Variants in ULK2 observed in about 807,000 individuals in gnomAD.
The protein encoded by ULK2 is unc-51 like autophagy activating kinase 2, also known as serine/threonine-protein kinase ULK2.
ULK2 carries 76 observed loss-of-function variants against 127.5 expected under a neutral mutation model. The ratio of observed to expected loss-of-function variants is 0.60; its 90% CI spans 0.50 to 0.72. The LOEUF is 0.72. Ranked by LOEUF, ULK2 falls within the 30% of genes least tolerant of loss-of-function variation. ULK2 has a pLI of 0.00. For synonymous variants in ULK2, 452 were observed against 461.9 expected (o/e 0.98, Z 0.28); for missense variants, 1,144 against 1,295.9 (o/e 0.88, Z 1.80).
chr17:19,852,903 G>C (rs2042049348), intron 3 of ULK2, among the ~76,000 whole-genome samples: 1 of 151,916 alleles, frequency 6.6e-6, no homozygotes, highest in Non-Finnish European at 1.5e-5. Flanking sequence ...GCCCACCTCG[G>C]CCTCCCAAAG....
chr17:19,842,311 C>G (rs2041783287), intron 8 of ULK2, among the ~76,000 whole-genome samples: 1 of 150,530 alleles, frequency 6.6e-6, no homozygotes, highest in Admixed American at 6.7e-5. Context: ...GATTCTCCTG[C>G]CTCAGCCTCC....
In ULK2 at chr17:19,772,634, T is replaced by C. The variant is rs542327611; in HGVS notation, c.*3715A>G. The C allele has an allele frequency of 9.2e-5, 14 of 152,314 alleles. No homozygotes were observed. The highest frequency in any genetic ancestry group is 3.1e-4 in the African/African-American group (13 of 41,572). 9.4% of individuals were successfully genotyped at this position (152,314 alleles called of 1,614,324 possible). On this transcript the variant is annotated 3_prime_UTR_variant, in exon 27 of 27. Coordinates refer to ENST00000395544, the MANE Select transcript of ULK2 (RefSeq NM_014683.4). ...TGCTTATAGAAAATACGAGGGAGCA[T>C]AGTTTAAAAAGTGTGAAGTCCTCCT...
intron 13 of ULK2, among the ~76,000 whole-genome samples, chr17:19,815,962 T>C (rs1428662793): frequency 2.0e-5 from 3 of 152,242 alleles, no homozygotes; most frequent in South Asian, 2.1e-4. Flanking sequence ...GCCATGGCAC[T>C]GCTGCTGTGG....
chr17:19,855,818 A>G (rs937795433), intron 3 of ULK2: 1 of 152,294 alleles, frequency 6.6e-6, no homozygotes, highest in Non-Finnish European at 1.5e-5. Flanking sequence ...TGATACCAAC[A>G]TTCTTTCTTA....
intron 3 of ULK2, among the ~76,000 whole-genome samples, chr17:19,850,524 G>A (rs917152240): frequency 1.3e-5 from 2 of 152,106 alleles, no homozygotes; most frequent in Non-Finnish European, 2.9e-5. Flanking sequence ...GTGTGCAAAT[G>A]TAATTCAAAA....
intron 20 of ULK2, among the ~76,000 whole-genome samples, chr17:19,794,192 AAAG>A (rs758839826): frequency 1.6e-4 from 25 of 152,282 alleles, no homozygotes; most frequent in East Asian, 3.9e-4. Context: ...AATAAGAATG[AAAG>A]AAGAAGAAGA....
intron 12 of ULK2, among the ~76,000 whole-genome samples, chr17:19,823,429 A>G (rs2041209854): frequency 6.6e-6 from 1 of 151,720 alleles, no homozygotes; most frequent in Admixed American, 6.6e-5. Context: ...CGTCCTCCCT[A>G]CTGGCCTCTC....
rs1567672798 is a variant in ULK2 at position 19,782,042 on chromosome 17, T to C, written c.2486A>G (p.His829Arg). The part of the protein sequence containing the change: ...MEREHTDTLR[H>R]LNVMLMFTEC... ...AGTGAACATCAGCATCACATTCAGA[T>C]GGCGTAAGGTGTCTGTGTGTTCCCG... Residue 829 changes from histidine (H) to arginine (R), a missense_variant, in exon 23 of 27, where the codon CAT (histidine) becomes CGT (arginine). His to Arg is a conservative substitution (Grantham distance 29, BLOSUM62 0). Transcript: ENST00000395544. 6.2e-7 allele frequency: 1 copy of C among 1,613,834 alleles called. No individual in the cohort carries two copies. The highest frequency in any genetic ancestry group is 2.2e-5 in the East Asian group (1 of 44,886).
intron 3 of ULK2, among the ~76,000 whole-genome samples, chr17:19,863,842 A>G (rs2042296055): frequency 1.3e-5 from 2 of 152,198 alleles, no homozygotes; most frequent in South Asian, 4.1e-4. Flanking sequence ...TTTAGAACCT[A>G]CTTCCCATTC....
rs954189926 is a variant in ULK2, at chr17:19,771,303, C to T, written c.*5046G>A. 13 of 152,192 alleles carry T rather than the reference C, an allele frequency of 8.5e-5. No individual in the cohort carries two copies. Among genetic ancestry groups the T allele is most frequent in the Non-Finnish European group, 1.5e-5 (1 of 68,024 alleles). The allele number at this position is 152,192 out of a possible 1,614,324, so 9.4% of individuals were successfully genotyped here. On this transcript the variant is annotated 3_prime_UTR_variant, in exon 27 of 27. Coordinates refer to ENST00000395544, the MANE Select transcript of ULK2 (RefSeq NM_014683.4). ...TTGGTATGAGGATCAAATGAATTAACAATTATCAGACTGACACAAACATTC... is the reference window on the plus strand; with the variant it reads ...TTGGTATGAGGATCAAATGAATTAATAATTATCAGACTGACACAAACATTC...
In ULK2 at chr17:19,846,684, T is replaced by TA. The variant is rs2041891563; in HGVS notation, c.469+52dup. ...ATCATTCAACAAAGCTAAAGTTGTC[T>TA]AAAAATAGTTTCAAAAAATGTCCTT... is the stretch of plus-strand genomic sequence containing the variant. On this transcript the variant is annotated intron_variant, in intron 6 of 26. Transcript: ENST00000395544. 3.4e-6 allele frequency: 5 copies of TA among 1,490,438 alleles called. No homozygotes were observed. In the East Asian group the frequency reaches 7.3e-5, roughly 22 times the overall value. The allele number at this position is 1,490,438 out of a possible 1,614,324, so 92.3% of individuals were successfully genotyped here. A position where few individuals can be genotyped will look rare whatever the true frequency, so the allele number is the denominator to read the frequency against.
chr17:19,815,113 C>G (rs1450420370), intron 13 of ULK2, among the ~76,000 whole-genome samples: 1 of 152,082 alleles, frequency 6.6e-6, no homozygotes, highest in Non-Finnish European at 1.5e-5. Flanking sequence ...CAGGCTCAAC[C>G]TGTAACTATA....
At chr17:19,784,564 C>T (rs1161258226) in intron 21 of ULK2, among the ~76,000 whole-genome samples, 31 of 130,650 alleles carry the variant, frequency 2.4e-4, no homozygotes, top group African/African-American at 5.3e-4. Flanking sequence ...CTTGCTGTTG[C>T]GCAGGCTGAA....
At chr17:19,790,066 G>C (rs767867533) in intron 20 of ULK2, among the ~76,000 whole-genome samples, 5 of 152,150 alleles carry the variant, frequency 3.3e-5, no homozygotes, top group Non-Finnish European at 7.3e-5. Flanking sequence ...CAAGGAGATA[G>C]AGTATTTTTA....
At chr17:19,789,749 T>C (rs913916379) in intron 20 of ULK2, among the ~76,000 whole-genome samples, 6 of 151,800 alleles carry the variant, frequency 4.0e-5, no homozygotes, top group South Asian at 2.1e-4. Context: ...AAAAATGCAA[T>C]TGACACACTG....
chr17:19,805,833 T>G (rs1487922033), intron 14 of ULK2, among the ~76,000 whole-genome samples: 4 of 152,154 alleles, frequency 2.6e-5, no homozygotes, highest in African/African-American at 9.7e-5. Flanking sequence ...AGGAAACAAC[T>G]GTTTATCGTG....
Position 19,796,245 on chromosome 17 carries a change from G to C in ULK2, c.1847C>G (p.Ser616Cys), listed in dbSNP as rs771689297. Residue 616 changes from serine to cysteine, a missense_variant, in exon 19 of 27, where the codon TCT becomes TGT. Physicochemically the swap from Ser to Cys is moderately radical, Grantham distance 112 (BLOSUM62 -1). Around this residue, in one of 2 missense-constraint regions of ULK2, gnomAD observed 913 missense variants for 970.5 expected, o/e 0.94. Coordinates refer to ENST00000395544, the MANE Select transcript of ULK2 (RefSeq NM_014683.4). The part of the protein sequence containing the change: ...APFKIPKTQA[S>C]SNLLALVTRH... ...AGTAACCAAGGCTAACAGGTTGGAA[G>C]ATGCTTGAGTTTTAGGGATTTTGAA... 43 of 1,613,830 alleles carry C rather than the reference G, an allele frequency of 2.7e-5. No homozygotes were observed. In the African/African-American group the frequency reaches 4.1e-4, roughly 16 times the overall value.
At chr17:19,867,114 G>A (rs903413267) in intron 1 of ULK2, among the ~76,000 whole-genome samples, 3 of 152,186 alleles carry the variant, frequency 2.0e-5, no homozygotes, top group African/African-American at 7.2e-5. Context: ...AGGATCAGCA[G>A]CAGCCGGTCG....
Position 19,785,990 on chromosome 17 carries a change from C to T in ULK2, c.2198G>A (p.Ser733Asn), listed in dbSNP as rs1198042676. 6.3e-7 allele frequency: 1 copy of T among 1,596,410 alleles called. No individual in the cohort carries two copies. ...GTGGGTACAAGTGGGGGCTGCCGCA[C>T]TGTGTGGAGGAGACCCTACAGTGAA... Reference protein sequence around the residue: ...VLFTVGSPPHSAAAPTCTHMF... With the variant: ...VLFTVGSPPHNAAAPTCTHMF... The change falls in exon 21 of 27, where the codon AGT becomes AAT. Residue 733 changes from serine to asparagine, a missense_variant. Ser to Asn is a conservative substitution (Grantham distance 46). Around this residue, in one of 2 missense-constraint regions of ULK2, gnomAD observed 913 missense variants for 970.5 expected, o/e 0.94. Transcript: ENST00000395544.
Sources: allele counts gnomAD v4.1 joint callset (sites outside exome capture counted in the v4.1 genomes callset), GRCh38; gene constraint gnomAD v4.1.1; regional missense constraint gnomAD v4.1.1; transcripts MANE v1.5; gene names NCBI Gene and HGNC (gene_info 2026-07-23, HGNC 2026-07-21).